Variants in NELL2 observed in about 807,000 individuals in gnomAD.
The protein encoded by NELL2 is neural EGFL like 2, also known as protein kinase C-binding protein NELL2.
In NELL2, 41 loss-of-function variants were observed where a neutral mutation model predicts 109.6. That is an observed-to-expected ratio of 0.37 (90% CI 0.29 to 0.49). The LOEUF (loss-of-function observed/expected upper bound fraction) is 0.49, where lower values mean the gene tolerates loss of function less well. Ranked by LOEUF, NELL2 falls within the 20% of genes least tolerant of loss-of-function variation. The pLI is 0.98. For synonymous variants in NELL2, 355 were observed against 344.7 expected (o/e 1.03, Z -0.33); for missense variants, 900 against 1,008.3 (o/e 0.89, Z 1.45).
intron 1 of NELL2, among the ~76,000 whole-genome samples, chr12:44,899,760 A>G (rs1414034079): frequency 4.6e-5 from 7 of 152,200 alleles, no homozygotes; most frequent in Admixed American, 2.6e-4. Context: ...CACACATAAC[A>G]ATATTAACCT....
chr12:44,673,785 C>T (rs953682961), intron 12 of NELL2, among the ~76,000 whole-genome samples: 1 of 152,262 alleles, frequency 6.6e-6, no homozygotes, highest in South Asian at 2.1e-4. Flanking sequence ...GCTTAAAGAG[C>T]AATATCTCTA....
chr12:44,847,576 A>T (rs1263085614), intron 2 of NELL2, among the ~76,000 whole-genome samples: 1 of 151,434 alleles, frequency 6.6e-6, no homozygotes, highest in Non-Finnish European at 1.5e-5. Flanking sequence ...GGAAAAAAAA[A>T]AAAAGCCTTG....
At chr12:44,780,064 T>C in intron 3 of NELL2, 42 bp from the exon 4 acceptor site, 1 of 1,595,836 alleles carries the variant, frequency 6.3e-7, no homozygotes, top group Non-Finnish European at 8.5e-7. Flanking sequence ...AAAAATAAAG[T>C]TCAAAAACGA....
intron 13 of NELL2, among the ~76,000 whole-genome samples, chr12:44,653,936 C>A (rs1472866434): frequency 1.3e-5 from 2 of 152,134 alleles, no homozygotes; most frequent in Admixed American, 6.5e-5. Flanking sequence ...TCACACTAAA[C>A]TTGCTATTAT....
intron 2 of NELL2, among the ~76,000 whole-genome samples, chr12:44,841,355 T>A (rs560595774): frequency 6.6e-6 from 1 of 152,288 alleles, no homozygotes; most frequent in African/African-American, 2.4e-5. Flanking sequence ...TAACTGGCAA[T>A]CCTATTTACA....
intron 1 of NELL2, among the ~76,000 whole-genome samples, chr12:44,901,089 C>CA (rs558945493): frequency 1.0e-3 from 153 of 152,024 alleles, no homozygotes; most frequent in African/African-American, 3.4e-3. Flanking sequence ...AAAAAGACTT[C>CA]AAAAAATCAA....
At chr12:44,526,287 C>G (rs536187471) in intron 16 of NELL2, among the ~76,000 whole-genome samples, 1 of 152,194 alleles carries the variant, frequency 6.6e-6, no homozygotes, top group African/African-American at 2.4e-5. Context: ...GATGATCATA[C>G]AATAAAAGCA....
upstream of NELL2, among the ~76,000 whole-genome samples, chr12:44,918,463 G>A (rs1202311913): frequency 6.6e-6 from 1 of 150,542 alleles, no homozygotes; most frequent in African/African-American, 2.5e-5. Context: ...TTACTCACTT[G>A]ACCCCACTAG....
At position 44,798,030 on chromosome 12, in the gene NELL2, G is replaced by A. The variant is rs1228484921; in HGVS notation, c.335+17956C>T. 8.0e-5 allele frequency among the ~76,000 whole-genome samples: 9 copies of A among 112,168 alleles called. 1 individual carries two copies. Among genetic ancestry groups the A allele is most frequent in the African/African-American group, 2.7e-4 (9 of 32,824 alleles). The allele number at this position is 112,168 out of a possible 152,430, so 73.6% of individuals were successfully genotyped here. ...GATGGAATAAAAGCATTCCATCCTAGATGGAATGATGGAATAAAAGCATTC... is the reference window on the plus strand; with the variant it reads ...GATGGAATAAAAGCATTCCATCCTAAATGGAATGATGGAATAAAAGCATTC... On this transcript the variant is annotated intron_variant, in intron 3 of 19. Coordinates refer to ENST00000429094, the MANE Select transcript of NELL2 (RefSeq NM_001145108.2).
At chr12:44,641,620 C>T (rs2136300667) in intron 13 of NELL2, among the ~76,000 whole-genome samples, 1 of 151,016 alleles carries the variant, frequency 6.6e-6, no homozygotes, top group Admixed American at 6.6e-5. Context: ...ATTTTGGCAT[C>T]CGAAAACCTA....
At chr12:44,763,295 G>A (rs990387447) in intron 9 of NELL2, among the ~76,000 whole-genome samples, 7 of 152,148 alleles carry the variant, frequency 4.6e-5, no homozygotes, top group African/African-American at 9.7e-5. Flanking sequence ...ATAGATGGGC[G>A]AATTATTAAC....
At chr12:44,790,328 C>T (rs1023214399) in intron 3 of NELL2, among the ~76,000 whole-genome samples, 1 of 152,124 alleles carries the variant, frequency 6.6e-6, no homozygotes, top group Non-Finnish European at 1.5e-5. Context: ...TCTTCAGCCT[C>T]CTCAAACAAA....
chr12:44,791,093 ATATGTATATATATATGTATATATATATG>A (rs1566403685), intron 3 of NELL2, among the ~76,000 whole-genome samples: 311 of 14,454 alleles, frequency 0.022, 24 homozygotes, highest in African/African-American at 0.05. Context: ...ATATATATAT[ATATGTATATATATATGTATATATATATG>A]TATATATATA....
At chr12:44,813,326 A>G (rs1319083384) in intron 3 of NELL2, among the ~76,000 whole-genome samples, 1 of 152,186 alleles carries the variant, frequency 6.6e-6, no homozygotes, top group African/African-American at 2.4e-5. Flanking sequence ...AATCTAAATT[A>G]TTTTCCACAT....
chr12:44,734,800 A>C (rs998855885), intron 9 of NELL2, among the ~76,000 whole-genome samples: 2 of 152,006 alleles, frequency 1.3e-5, no homozygotes, highest in African/African-American at 4.8e-5. Flanking sequence ...GGATAATGGT[A>C]ATTATATCTT....
At chr12:44,551,624 A>C (rs1257438605) in intron 15 of NELL2, among the ~76,000 whole-genome samples, 1 of 152,112 alleles carries the variant, frequency 6.6e-6, no homozygotes, top group East Asian at 1.9e-4. Flanking sequence ...CACACAGGCA[A>C]TAGCAACAAA....
intron 13 of NELL2, among the ~76,000 whole-genome samples, chr12:44,615,063 C>T (rs1166744284): frequency 6.6e-6 from 1 of 151,816 alleles, no homozygotes; most frequent in African/African-American, 2.4e-5. Context: ...TAGTTGAAGA[C>T]ATAAGTAAAA....
chr12:44,910,623 A>C (rs887852647), intron 1 of NELL2, among the ~76,000 whole-genome samples: 2 of 151,988 alleles, frequency 1.3e-5, no homozygotes, highest in African/African-American at 4.8e-5. Context: ...ACTCAAAGGA[A>C]AATAAATTAT....
At chr12:44,690,608 T>A (rs888464453) in intron 12 of NELL2, among the ~76,000 whole-genome samples, 1 of 151,604 alleles carries the variant, frequency 6.6e-6, no homozygotes, top group Non-Finnish European at 1.5e-5. Flanking sequence ...CACAAAAACA[T>A]CAATCACAAT....
Sources: allele counts gnomAD v4.1 joint callset (sites outside exome capture counted in the v4.1 genomes callset), GRCh38; gene constraint gnomAD v4.1.1; transcripts MANE v1.5; gene names NCBI Gene and HGNC (gene_info 2026-07-23, HGNC 2026-07-21).